The following LIMS2 variants were observed in gnomAD, a reference collection of about 807,000 sequenced individuals.
The protein encoded by LIMS2 is LIM and senescent cell antigen-like-containing domain protein 2.
LIMS2 carries 30 observed loss-of-function variants against 45.3 expected under a neutral mutation model. The ratio of observed to expected loss-of-function variants is 0.66; its 90% CI spans 0.50 to 0.90. LIMS2 has a LOEUF of 0.90. Among genes scored for constraint, LIMS2 ranks in the 40% least tolerant of loss-of-function variants. LIMS2 has a pLI of 0.00. For missense variants in LIMS2, 485 were observed against 468.7 expected (o/e 1.03, Z -0.32); for synonymous variants, 173 against 188.0 (o/e 0.92, Z 0.65).
At position 127,647,440 on chromosome 2, in the gene LIMS2, T is replaced by C. The variant is rs1200523953; in HGVS notation, c.360-4368A>G. Among the ~76,000 whole-genome samples, 1 of 152,136 alleles carries C rather than the reference T, an allele frequency of 6.6e-6. No individual in the cohort carries two copies. The highest frequency in any genetic ancestry group is 1.9e-4 in the East Asian group (1 of 5,178). ...AGCCTTGACTCCCTAACCTGCAACA[T>C]GGGGCTAAAACTGGTTTGAGCCAGC... On this transcript the variant is annotated intron_variant, in intron 4 of 9. Coordinates refer to ENST00000355119, the MANE Select transcript of LIMS2 (RefSeq NM_001161403.3). This position sits in a 1 kb window ranked among gnomAD's most constrained non-coding sequence, Gnocchi z 4.3.
At position 127,639,069 on chromosome 2, in the gene LIMS2, C is replaced by T. The variant is rs1682119921; in HGVS notation, c.*212G>A. ...GGGGTCATAGGCTCCCACTCCCCAGCTCCTGCCTCCTCACAGACAGAAGCC... is the reference window on the plus strand; with the variant it reads ...GGGGTCATAGGCTCCCACTCCCCAGTTCCTGCCTCCTCACAGACAGAAGCC... On this transcript the variant is annotated 3_prime_UTR_variant, in exon 10 of 10. Coordinates refer to ENST00000355119, the MANE Select transcript of LIMS2 (RefSeq NM_001161403.3). The T allele has an allele frequency of 3.4e-6, 2 of 582,202 alleles. No individual in the cohort carries two copies. The highest frequency in any genetic ancestry group is 2.1e-5 in the South Asian group (1 of 47,606). The allele number at this position is 582,202 out of a possible 1,614,324, so 36.1% of individuals were successfully genotyped here. A position where few individuals can be genotyped will look rare whatever the true frequency, so the allele number is the denominator to read the frequency against.
At chr2:127,654,320 G>A (rs1684086309) in intron 4 of LIMS2, 104 bp downstream of exon 4, 2 of 1,501,724 alleles carry the variant, frequency 1.3e-6, no homozygotes, top group Non-Finnish European at 1.8e-6. Flanking sequence ...GCAGCACCGG[G>A]ACCCTTCTGC....
chr2:127,674,898 G>A, intron 1 of LIMS2, 116 bp downstream of exon 1: 2 of 1,217,612 alleles, frequency 1.6e-6, no homozygotes, highest in Non-Finnish European at 1.0e-6. Flanking sequence ...AATCCGACGC[G>A]CCAGGGCGGA....
chr2:127,680,319 G>A (rs941398341), upstream of LIMS2, among the ~76,000 whole-genome samples: 1 of 152,236 alleles, frequency 6.6e-6, no homozygotes, highest in Non-Finnish European at 1.5e-5. Flanking sequence ...TGGGCACGAT[G>A]GTGCATGCCT....
chr2:127,676,406 A>ATTTT (rs1685501484), upstream of LIMS2, among the ~76,000 whole-genome samples: 1 of 115,362 alleles, frequency 8.7e-6, no homozygotes, highest in African/African-American at 4.0e-5. Context: ...TGCAGTTGTT[A>ATTTT]CTTTTTTTTT....
chr2:127,678,644 T>C (rs970199669), upstream of LIMS2, among the ~76,000 whole-genome samples: 1 of 152,100 alleles, frequency 6.6e-6, no homozygotes, highest in Admixed American at 6.6e-5. The surrounding 1 kb of genome is among the most constrained non-coding windows in gnomAD (Gnocchi z 5.3). Flanking sequence ...GTGGCCGGCG[T>C]GGGCGTGGTC....
intron 4 of LIMS2, among the ~76,000 whole-genome samples, chr2:127,646,970 A>G (rs933017039): frequency 4.6e-5 from 7 of 152,218 alleles, no homozygotes; most frequent in African/African-American, 1.7e-4. Flanking sequence ...AAAGCTGTTT[A>G]AAATGGAGTC....
rs1180547669 is a variant in LIMS2 at position 127,675,007 on chromosome 2, C to A, written c.11+7G>T. 8.2e-5 allele frequency: 101 copies of A among 1,229,676 alleles called. No homozygotes were observed. The highest frequency in any genetic ancestry group is 1.0e-4 in the Non-Finnish European group (99 of 985,616). 76.2% of individuals were successfully genotyped at this position (1,229,676 alleles called of 1,614,324 possible). A position where few individuals can be genotyped will look rare whatever the true frequency, so the allele number is the denominator to read the frequency against. On this transcript the variant is annotated splice_region_variant and intron_variant, in intron 1 of 9. Transcript: ENST00000355119. ...CCCGGCCCGGGGGCGTGGGTGGGGG[C>A]CGTTACCTTCCCGTCATGGTGGCAG...
chr2:127,641,810 A>C, intron 6 of LIMS2: 2 of 470,940 alleles, frequency 4.2e-6, no homozygotes, highest in East Asian at 3.6e-5. Flanking sequence ...AGCAGGGGGA[A>C]GAGGAGAGGT....
chr2:127,649,904 A>G, intron 4 of LIMS2: 1 of 903,664 alleles, frequency 1.1e-6, no homozygotes, highest in Non-Finnish European at 1.7e-6. Context: ...CTCCTGGAAG[A>G]GATGCTGCCC....
At position 127,673,710 on chromosome 2, in the gene LIMS2, G is replaced by A. The variant is rs909176511; in HGVS notation, c.11+1304C>T. On this transcript the variant is annotated intron_variant, in intron 1 of 9. Coordinates refer to ENST00000355119, the MANE Select transcript of LIMS2 (RefSeq NM_001161403.3). ...TCAATGCTGCTGCTGGGGCTGCTCC[G>A]GACCCTGTTCCTGTCTCTCCCCACT... 116 of 1,551,392 alleles carry A rather than the reference G, an allele frequency of 7.5e-5. 1 individual carries two copies. Among genetic ancestry groups the A allele is most frequent in the African/African-American group, 2.9e-4 (21 of 73,054 alleles).
upstream of LIMS2, among the ~76,000 whole-genome samples, chr2:127,678,961 C>T (rs1259678768): frequency 6.6e-6 from 1 of 152,114 alleles, no homozygotes; most frequent in African/African-American, 2.4e-5. The surrounding 1 kb of genome is among the most constrained non-coding windows in gnomAD (Gnocchi z 5.3). Flanking sequence ...GGTGTCTGTA[C>T]CAGTCAGGAG....
At position 127,653,799 on chromosome 2, in the gene LIMS2, A is replaced by C. The variant is rs557220965; in HGVS notation, c.359+625T>G. Among the ~76,000 whole-genome samples the C allele has an allele frequency of 5.4e-4, 82 of 152,116 alleles. No homozygotes were observed. The highest frequency in any genetic ancestry group is 1.7e-3 in the African/African-American group (69 of 41,504). On this transcript the variant is annotated intron_variant, in intron 4 of 9. Transcript: ENST00000355119. The surrounding 1 kb of genome is among the most constrained non-coding windows in gnomAD (Gnocchi z 5.3). ...GGTGTGCTGGGAGAAGCCGGGGAGG[A>C]AGGCCCAGCAGTGTTTTTAACCCAG... is the stretch of plus-strand genomic sequence containing the variant.
intron 1 of LIMS2, among the ~76,000 whole-genome samples, chr2:127,680,763 G>A (rs989250007): frequency 6.6e-5 from 10 of 152,314 alleles, no homozygotes; most frequent in Admixed American, 2.0e-4. Context: ...TTGGAGTTCG[G>A]GAGGAAAAGG....
intron 4 of LIMS2, among the ~76,000 whole-genome samples, chr2:127,649,418 G>A (rs1683464345): frequency 6.6e-6 from 1 of 152,228 alleles, no homozygotes; most frequent in South Asian, 2.1e-4. Flanking sequence ...TGTGCAGGGT[G>A]GGGATGGTGG....
chr2:127,642,215 C>T lies in LIMS2; in HGVS notation c.510-16G>A, dbSNP rs1429476469. 4 of 1,524,586 alleles carry T rather than the reference C, an allele frequency of 2.6e-6. No homozygotes were observed. Among genetic ancestry groups the T allele is most frequent in the Admixed American group, 3.8e-5 (2 of 53,106 alleles). 94.4% of individuals were successfully genotyped at this position (1,524,586 alleles called of 1,614,324 possible). On this transcript the variant is annotated splice_polypyrimidine_tract_variant and intron_variant, in intron 5 of 9. Coordinates refer to ENST00000355119, the MANE Select transcript of LIMS2 (RefSeq NM_001161403.3). The surrounding 1 kb of genome is among the most constrained non-coding windows in gnomAD (Gnocchi z 5.3). ...CAGCTCCTTCCTGGAAGACAGCGTG[C>T]AGCCCCCAGGTGCCACCCCTGCCCT...
At chr2:127,678,319 A>C (rs1399065316), upstream of LIMS2, among the ~76,000 whole-genome samples, 1 of 152,150 alleles carries the variant, frequency 6.6e-6, no homozygotes, top group African/African-American at 2.4e-5. This position sits in a 1 kb window ranked among gnomAD's most constrained non-coding sequence, Gnocchi z 5.3. Flanking sequence ...AGATGGGTAA[A>C]GGGAAGGACA....
intron 1 of LIMS2, among the ~76,000 whole-genome samples, chr2:127,659,997 C>T (rs980071545): frequency 6.6e-6 from 1 of 152,200 alleles, no homozygotes; most frequent in Non-Finnish European, 1.5e-5. Flanking sequence ...CCTCCCTCGC[C>T]GTTTCATAAA....
intron 4 of LIMS2, among the ~76,000 whole-genome samples, chr2:127,645,465 C>T (rs187302629): frequency 3.9e-5 from 6 of 152,218 alleles, no homozygotes; most frequent in African/African-American, 1.4e-4. Context: ...CCCGGAGCCA[C>T]CCCAGGGAGG....
Sources: allele counts gnomAD v4.1 joint callset (sites outside exome capture counted in the v4.1 genomes callset), GRCh38; gene constraint gnomAD v4.1.1; non-coding constraint Gnocchi (gnomAD v3.1); transcripts MANE v1.5; gene names NCBI Gene and HGNC (gene_info 2026-07-23, HGNC 2026-07-21).